The following PPP1R16B variants were observed in gnomAD, a reference collection of about 807,000 sequenced individuals.
PPP1R16B encodes the protein protein phosphatase 1 regulatory inhibitor subunit 16B.
A neutral mutation model predicts 61.7 loss-of-function variants in PPP1R16B; 14 were observed. The ratio of observed to expected loss-of-function variants is 0.23; its 90% CI spans 0.15 to 0.35. The LOEUF is 0.35. PPP1R16B is among the 10% of genes least tolerant of loss of function. The probability of loss-of-function intolerance (pLI) is 1.00; values close to 1 mark genes in which losing one functional copy is unlikely to be tolerated. For synonymous variants in PPP1R16B, 266 were observed against 305.3 expected (o/e 0.87, Z 1.34); for missense variants, 547 against 752.5 (o/e 0.73, Z 3.19).
chr20:38,921,795 T>C lies in PPP1R16B; in HGVS notation c.*3129T>C, dbSNP rs1332325994. On this transcript the variant is annotated 3_prime_UTR_variant, in exon 11 of 11. Transcript: ENST00000299824. ...TTTCTTGCTCATGGTGGCTCATTTA[T>C]TACATAGTCCCCTCACCCCACTAAT... is the stretch of plus-strand genomic sequence containing the variant. The C allele has an allele frequency of 2.0e-5, 3 of 152,262 alleles. No homozygotes were observed. The highest frequency in any genetic ancestry group is 4.4e-5 in the Non-Finnish European group (3 of 68,050). 9.4% of individuals were successfully genotyped at this position (152,262 alleles called of 1,614,324 possible).
chr20:38,882,940 G>C (rs1408495183), intron 2 of PPP1R16B, among the ~76,000 whole-genome samples: 2 of 152,176 alleles, frequency 1.3e-5, no homozygotes, highest in East Asian at 3.8e-4. Flanking sequence ...GGAAATGAGA[G>C]GCCAGTGTGG....
At chr20:38,847,943 TA>T (rs755839341) in intron 2 of PPP1R16B, among the ~76,000 whole-genome samples, 25 of 152,360 alleles carry the variant, frequency 1.6e-4, no homozygotes, top group African/African-American at 2.4e-4. Flanking sequence ...AAAATCATTT[TA>T]TTTTTTTTAT....
In PPP1R16B at chr20:38,895,846, T is replaced by TC. The variant is rs112315497; in HGVS notation, c.467+138dup. The TC allele has an allele frequency of 1.2e-4, 94 of 782,944 alleles. 1 individual carries two copies. Among genetic ancestry groups the TC allele is most frequent in the East Asian group, 4.8e-4 (15 of 31,322 alleles). 48.5% of individuals were successfully genotyped at this position (782,944 alleles called of 1,614,324 possible). On this transcript the variant is annotated intron_variant, in intron 4 of 10. Coordinates refer to ENST00000299824, the MANE Select transcript of PPP1R16B (RefSeq NM_015568.4). The stretch of plus-strand genomic sequence containing the variant: ...CTTCCTTCTTTCTCTCCTCCCTTCC[T>TC]CCTTCCTTCTTTCTTCCCTCCCTCC...
intron 1 of PPP1R16B, among the ~76,000 whole-genome samples, chr20:38,820,872 A>T (rs1422053957): frequency 2.7e-5 from 4 of 150,128 alleles, no homozygotes; most frequent in East Asian, 2.0e-4. Context: ...CTCTACTAAA[A>T]ATATATATAT....
chr20:38,906,916 T>G (rs2085448258), intron 7 of PPP1R16B, 63 bp from the exon 8 acceptor site: 7 of 1,440,754 alleles, frequency 4.9e-6, no homozygotes, highest in Non-Finnish European at 6.8e-6. Context: ...GGGCACTCTC[T>G]CCACCTCCTA....
chr20:38,902,549 T>A (rs1413686595), intron 5 of PPP1R16B, 119 bp from the exon 6 acceptor site: 2 of 1,390,232 alleles, frequency 1.4e-6, no homozygotes, highest in Non-Finnish European at 2.0e-6. Context: ...CATGTCTGCA[T>A]GCCCGCTTGA....
chr20:38,843,147 T>G (rs2084919163), intron 2 of PPP1R16B, among the ~76,000 whole-genome samples: 1 of 152,276 alleles, frequency 6.6e-6, no homozygotes, highest in African/African-American at 2.4e-5. Context: ...CTGGGTTCTA[T>G]CTACCCATAT....
intron 10 of PPP1R16B, among the ~76,000 whole-genome samples, chr20:38,913,042 G>C (rs1215903606): frequency 6.6e-6 from 1 of 151,788 alleles, no homozygotes; most frequent in African/African-American, 2.4e-5. Flanking sequence ...GCTAATTTTT[G>C]TGTTTTTTGG....
At chr20:38,912,394 G>A (rs1443541215) in intron 10 of PPP1R16B, among the ~76,000 whole-genome samples, 1 of 151,586 alleles carries the variant, frequency 6.6e-6, no homozygotes, top group Non-Finnish European at 1.5e-5. Context: ...GCTGGGCACA[G>A]TGGATCACAA....
intron 10 of PPP1R16B, among the ~76,000 whole-genome samples, chr20:38,914,801 G>C (rs535149833): frequency 7.2e-5 from 11 of 152,186 alleles, no homozygotes; most frequent in African/African-American, 2.2e-4. Flanking sequence ...CCATGTAGCT[G>C]AGCCACAGGC....
intron 1 of PPP1R16B, among the ~76,000 whole-genome samples, chr20:38,830,018 G>A (rs1297201517): frequency 6.6e-6 from 1 of 152,218 alleles, no homozygotes; most frequent in Non-Finnish European, 1.5e-5. Context: ...CCAGGGAGCT[G>A]GGCAACTGCC....
In PPP1R16B at chr20:38,806,355, C is replaced by T. The variant is rs561455826; in HGVS notation, c.-102+563C>T. ...AGGCGCCTCCACCTGCAGACCCGCC[C>T]CGCCTCAGGATCCGGCTGACAGCAC... On this transcript the variant is annotated intron_variant, in intron 1 of 10. Transcript: ENST00000299824. The surrounding 1 kb of genome is among the most constrained non-coding windows in gnomAD (Gnocchi z 4.5). Among the ~76,000 whole-genome samples, 4 of 152,210 alleles carry T rather than the reference C, an allele frequency of 2.6e-5. No homozygotes were observed. Among genetic ancestry groups the T allele is most frequent in the Non-Finnish European group, 5.9e-5 (4 of 67,978 alleles).
intron 3 of PPP1R16B, among the ~76,000 whole-genome samples, chr20:38,894,161 C>T (rs1436707498): frequency 2.2e-5 from 3 of 135,716 alleles, no homozygotes; most frequent in Non-Finnish European, 4.7e-5. Flanking sequence ...GCAGAAAGAA[C>T]CTGGGTCTCT....
intron 1 of PPP1R16B, among the ~76,000 whole-genome samples, chr20:38,834,821 G>A (rs2084859152): frequency 1.3e-5 from 2 of 151,768 alleles, no homozygotes; most frequent in Admixed American, 1.3e-4. Context: ...TGTTATAAAA[G>A]CATAACATAT....
At chr20:38,876,048 A>C (rs73114236) in intron 2 of PPP1R16B, among the ~76,000 whole-genome samples, 3 of 139,988 alleles carry the variant, frequency 2.1e-5, no homozygotes, top group Non-Finnish European at 3.0e-5. Context: ...ATCTTAACTC[A>C]CTGCAACTCC....
At chr20:38,859,286 C>A (rs1034277098) in intron 2 of PPP1R16B, among the ~76,000 whole-genome samples, 4 of 145,738 alleles carry the variant, frequency 2.7e-5, no homozygotes, top group Non-Finnish European at 6.0e-5. Flanking sequence ...ACTGCTAGTG[C>A]GGGTTCCTTT....
Position 38,919,093 on chromosome 20 carries a change from T to G in PPP1R16B, c.*427T>G, listed in dbSNP as rs1475531141. The stretch of plus-strand genomic sequence containing the variant: ...CTGGGCTCAGGGGAAGCAAGGGGGC[T>G]TAGAATTTGTGGGGTATTCCCAAAA... On this transcript the variant is annotated 3_prime_UTR_variant, in exon 11 of 11. Coordinates refer to ENST00000299824, the MANE Select transcript of PPP1R16B (RefSeq NM_015568.4). The G allele has an allele frequency of 6.4e-6, 1 of 157,190 alleles. No individual in the cohort carries two copies. Among genetic ancestry groups the G allele is most frequent in the Admixed American group, 6.5e-5 (1 of 15,416 alleles). 9.7% of individuals were successfully genotyped at this position (157,190 alleles called of 1,614,324 possible).
Position 38,919,400 on chromosome 20 carries a change from G to A in PPP1R16B, c.*734G>A, listed in dbSNP as rs1308918275. On this transcript the variant is annotated 3_prime_UTR_variant, in exon 11 of 11. Transcript: ENST00000299824. ...CTGTGTGACCATCCAGGGGTGGAGG[G>A]GGAAAACCAGGCAATTTCGTTCCTG... 6.6e-6 allele frequency: 1 copy of A among 152,278 alleles called. No homozygotes were observed. The highest frequency in any genetic ancestry group is 1.5e-5 in the Non-Finnish European group (1 of 68,092). The allele number at this position is 152,278 out of a possible 1,614,324, so 9.4% of individuals were successfully genotyped here. A position where few individuals can be genotyped will look rare whatever the true frequency, so the allele number is the denominator to read the frequency against.
intron 1 of PPP1R16B, among the ~76,000 whole-genome samples, chr20:38,832,654 C>A (rs953703667): frequency 6.6e-6 from 1 of 152,242 alleles, no homozygotes; most frequent in South Asian, 2.1e-4. Context: ...CGCGGGGGCT[C>A]ACGCCTGTAA....
Sources: allele counts gnomAD v4.1 joint callset (sites outside exome capture counted in the v4.1 genomes callset), GRCh38; gene constraint gnomAD v4.1.1; non-coding constraint Gnocchi (gnomAD v3.1); transcripts MANE v1.5; gene names NCBI Gene and HGNC (gene_info 2026-07-23, HGNC 2026-07-21).